The following RAI14 variants were observed in gnomAD, a reference collection of about 807,000 sequenced individuals.
The protein encoded by RAI14 is retinoic acid induced 14.
RAI14 carries 45 observed loss-of-function variants against 115.4 expected under a neutral mutation model. The observed-to-expected ratio is 0.39, with a 90% CI of 0.31 to 0.50. The LOEUF is 0.50. RAI14 is among the 20% of genes least tolerant of loss of function. The probability of loss-of-function intolerance (pLI) is 0.85; values close to 1 mark genes in which losing one functional copy is unlikely to be tolerated. For synonymous variants in RAI14, 371 were observed against 415.4 expected, an observed-to-expected ratio of 0.89 and a Z score of 1.30; for missense variants, 939 against 1,131.2, an observed-to-expected ratio of 0.83 and a Z score of 2.44.
rs769354329 is a variant in RAI14 at position 34,823,058 on chromosome 5, C to T, written c.1216C>T (p.Pro406Ser). Residue 406 changes from proline to serine, a missense_variant, in exon 15 of 18, where the codon CCC becomes TCC. Transcript: ENST00000265109. This position sits in a 1 kb window ranked among gnomAD's most constrained non-coding sequence, Gnocchi z 4.5. ...PSLGKPGETS[P>S]PDSKSSPSVL... The stretch of plus-strand genomic sequence containing the variant: ...CCTGGGAAAACCTGGTGAAACCTCT[C>T]CCCCAGACTCCAAATCATCTCCATC... The T allele has an allele frequency of 6.2e-6, 10 of 1,612,610 alleles. No homozygotes were observed. The highest frequency in any genetic ancestry group is 8.5e-6 in the Non-Finnish European group (10 of 1,178,672).
chr5:34,734,833 G>A (rs1744660822), intron 2 of RAI14, among the ~76,000 whole-genome samples: 2 of 152,012 alleles, frequency 1.3e-5, no homozygotes, highest in South Asian at 4.1e-4. Context: ...GCTAATTTTT[G>A]TATTTTTAGA....
chr5:34,789,243 A>G (rs987252664), intron 3 of RAI14, among the ~76,000 whole-genome samples: 1 of 152,196 alleles, frequency 6.6e-6, no homozygotes, highest in Non-Finnish European at 1.5e-5. Flanking sequence ...GACATTTATC[A>G]GTCACTGCAT....
At chr5:34,689,690 T>C (rs1579916329) in intron 2 of RAI14, among the ~76,000 whole-genome samples, 1 of 151,642 alleles carries the variant, frequency 6.6e-6, no homozygotes, top group African/African-American at 2.4e-5. Context: ...CTGGCCAACA[T>C]GGAGAAACCC....
Position 34,803,384 on chromosome 5 carries a change from C to CA in RAI14, c.257-322dup, listed in dbSNP as rs1156410331. 7.2e-5 allele frequency among the ~76,000 whole-genome samples: 11 copies of CA among 152,170 alleles called. 1 individual carries two copies. Among genetic ancestry groups the CA allele is most frequent in the African/African-American group, 2.6e-4 (11 of 41,510 alleles). ...GCAACGTGGCGAAATCTCATCTCTA[C>CA]AAAAAATACAAAAATTACCCAGGTG... On this transcript the variant is annotated intron_variant, in intron 4 of 17. Transcript: ENST00000265109.
chr5:34,681,967 T>G (rs1244168686), intron 1 of RAI14, among the ~76,000 whole-genome samples: 1 of 151,616 alleles, frequency 6.6e-6, no homozygotes, highest in Non-Finnish European at 1.5e-5. Context: ...GCGATTCTCC[T>G]GCCTCAGCCT....
chr5:34,735,159 G>A (rs1228197201), intron 2 of RAI14, among the ~76,000 whole-genome samples: 1 of 152,194 alleles, frequency 6.6e-6, no homozygotes, highest in East Asian at 1.9e-4. Flanking sequence ...GGGCTGTTGA[G>A]CAAAATATTT....
At chr5:34,789,684 A>C (rs959499410) in intron 3 of RAI14, among the ~76,000 whole-genome samples, 2 of 152,168 alleles carry the variant, frequency 1.3e-5, no homozygotes, top group African/African-American at 4.8e-5. Context: ...CCCTTTTATC[A>C]AGCAACATGT....
chr5:34,818,966 G>A (rs1756555470), intron 13 of RAI14, 115 bp downstream of exon 13: 7 of 900,352 alleles, frequency 7.8e-6, no homozygotes, highest in Non-Finnish European at 1.2e-5. Flanking sequence ...AAGCCAGCAT[G>A]TCCACACAGA....
intron 3 of RAI14, among the ~76,000 whole-genome samples, chr5:34,773,265 T>C (rs566962412): frequency 6.6e-6 from 1 of 152,304 alleles, no homozygotes; most frequent in East Asian, 1.9e-4. Context: ...CAACTCACAA[T>C]GGATTCAAGA....
rs1216485119 is a variant in RAI14, at chr5:34,670,280, G to A, written c.-49+13805G>A. ...TGTCTCACGTGCAGCCCAGTGTCAC[G>A]TGTTGGGCTTGGAACTTGAACCTTA... is the stretch of plus-strand genomic sequence containing the variant. On this transcript the variant is annotated intron_variant, in intron 1 of 17. Transcript: ENST00000265109. Among the ~76,000 whole-genome samples, 7 of 152,254 alleles carry A rather than the reference G, an allele frequency of 4.6e-5. No individual in the cohort carries two copies. In the South Asian group the frequency reaches 8.3e-4, roughly 18 times the overall value.
At chr5:34,815,817 A>G (rs1302084723) in intron 12 of RAI14, among the ~76,000 whole-genome samples, 2 of 152,226 alleles carry the variant, frequency 1.3e-5, no homozygotes, top group Admixed American at 1.3e-4. Flanking sequence ...ATCACAAAAA[A>G]TGATAAGTGT....
chr5:34,807,736 C>A, intron 5 of RAI14, 64 bp from the exon 6 acceptor site: 2 of 1,262,568 alleles, frequency 1.6e-6, no homozygotes, highest in Non-Finnish European at 2.3e-6. Context: ...CAGGAAAAGT[C>A]TGAACTGAAT....
chr5:34,717,055 A>G (rs1317434279), intron 2 of RAI14, among the ~76,000 whole-genome samples: 1 of 152,194 alleles, frequency 6.6e-6, no homozygotes, highest in Non-Finnish European at 1.5e-5. Flanking sequence ...GTATGTTTAT[A>G]TATTCAGCAT....
intron 3 of RAI14, 102 bp downstream of exon 3, chr5:34,757,700 C>T: frequency 7.3e-7 from 1 of 1,377,672 alleles, no homozygotes; most frequent in South Asian, 1.5e-5. Context: ...TGCTCCCTCT[C>T]CACTCCCATG....
At chr5:34,772,577 T>C (rs1456899467) in intron 3 of RAI14, among the ~76,000 whole-genome samples, 1 of 152,202 alleles carries the variant, frequency 6.6e-6, no homozygotes, top group Non-Finnish European at 1.5e-5. Flanking sequence ...ATTATTGATG[T>C]TGTTGTTATT....
At chr5:34,723,413 C>A (rs1743053035) in intron 2 of RAI14, among the ~76,000 whole-genome samples, 1 of 152,052 alleles carries the variant, frequency 6.6e-6, no homozygotes, top group African/African-American at 2.4e-5. Context: ...GACAGAATAC[C>A]TTTTTTGTGT....
At position 34,811,092 on chromosome 5, in the gene RAI14, T is replaced by C; in HGVS notation, c.531T>C (p.Asp177=). The C allele has an allele frequency of 6.2e-7, 1 of 1,614,088 alleles. No individual in the cohort carries two copies. The highest frequency in any genetic ancestry group is 8.5e-7 in the Non-Finnish European group (1 of 1,180,018). ...ICHFLLDHGA[D]VNSRNKSGRT... is the part of the protein sequence containing the mutation. ...ACTTTCTCCTGGATCATGGAGCAGA[T>C]GTCAATTCCAGGAACAAAAGTGGAA... Residue 177 remains aspartate, a synonymous_variant, in exon 8 of 18, where the codon GAT becomes GAC. Coordinates refer to ENST00000265109, the MANE Select transcript of RAI14 (RefSeq NM_015577.3).
At chr5:34,727,366 G>A (rs1743595198) in intron 2 of RAI14, among the ~76,000 whole-genome samples, 1 of 152,198 alleles carries the variant, frequency 6.6e-6, no homozygotes, top group Non-Finnish European at 1.5e-5. Flanking sequence ...GCAGCTTGAT[G>A]ATGCAATAGA....
intron 1 of RAI14, among the ~76,000 whole-genome samples, chr5:34,667,779 G>T (rs1444432156): frequency 1.3e-5 from 2 of 152,076 alleles, no homozygotes; most frequent in Non-Finnish European, 2.9e-5. Context: ...TTGAGCAGCA[G>T]CACGAAGGTC....
Sources: gnomAD v4.1 joint callset for allele counts (sites outside exome capture counted in the v4.1 genomes callset) on GRCh38, gnomAD v4.1.1 for gene constraint, Gnocchi (gnomAD v3.1) non-coding constraint, MANE v1.5 for transcripts, NCBI Gene and HGNC (gene_info 2026-07-23, HGNC 2026-07-21) for gene names.